The following LGMN variants were observed in gnomAD, a reference collection of about 807,000 sequenced individuals.
The protein encoded by LGMN is asparaginyl endopeptidase.
Under a neutral mutation model 56.8 loss-of-function variants are expected in LGMN, and 36 were observed. That is an observed-to-expected ratio of 0.63 (90% CI 0.49 to 0.84). The LOEUF (loss-of-function observed/expected upper bound fraction) is 0.84. Ranked by LOEUF, LGMN falls within the 40% of genes least tolerant of loss-of-function variation. LGMN has a pLI of 0.00. For missense variants in LGMN, 446 were observed against 556.1 expected, an observed-to-expected ratio of 0.80 and a Z score of 1.99; for synonymous variants, 199 against 210.1, an observed-to-expected ratio of 0.95 and a Z score of 0.46.
chr14:92,729,127 CTTTTT>C (rs55843490), intron 2 of LGMN, among the ~76,000 whole-genome samples: 2 of 110,108 alleles, frequency 1.8e-5, no homozygotes, highest in Non-Finnish European at 3.6e-5. Context: ...CTCAGCTTTT[CTTTTT>C]TTTTTTTTTT....
rs1466874788 is a variant in LGMN, at chr14:92,732,640, T to C, written c.138+9A>G. On this transcript the variant is annotated intron_variant, in intron 2 of 13. Transcript: ENST00000334869. ...TCCTTAACAAAAAAAAGATTAGTCA[T>C]TTTCTTACCTGGTGCCTATAATTAT... is the stretch of plus-strand genomic sequence containing the variant. 6.2e-7 allele frequency: 1 copy of C among 1,613,370 alleles called. No homozygotes were observed.
intron 2 of LGMN, among the ~76,000 whole-genome samples, chr14:92,719,140 GCCACCACCACCGCCACTGCCACCACCA>G (rs1392876404): frequency 8.2e-5 from 11 of 134,474 alleles, no homozygotes; most frequent in South Asian, 7.5e-4. Context: ...CACCGCCACC[GCCACCACCACCGCCACTGCCACCACCA>G]CCACCACCAC....
At chr14:92,709,957 G>T in intron 10 of LGMN, 85 bp from the exon 11 acceptor site, 1 of 1,132,022 alleles carries the variant, frequency 8.8e-7, no homozygotes, top group Non-Finnish European at 1.3e-6. Context: ...AGAGAGAGCT[G>T]GTTTGAGTGG....
At chr14:92,748,125 T>C (rs1468075923) in intron 1 of LGMN, among the ~76,000 whole-genome samples, 2 of 152,072 alleles carry the variant, frequency 1.3e-5, no homozygotes, top group Non-Finnish European at 2.9e-5. Flanking sequence ...TCCTAGGTCG[T>C]AAAGGCTGGA....
At chr14:92,704,988 G>A in intron 12 of LGMN, 1 of 362,824 alleles carries the variant, frequency 2.8e-6, no homozygotes, top group East Asian at 4.6e-5. Flanking sequence ...CGATGGCTCT[G>A]CTCCCCGCCA....
chr14:92,738,775 C>A (rs1329260401), intron 1 of LGMN, among the ~76,000 whole-genome samples: 1 of 151,452 alleles, frequency 6.6e-6, no homozygotes, highest in South Asian at 2.1e-4. Context: ...AATCCCAGCA[C>A]TTTGGGAGGC....
intron 3 of LGMN, among the ~76,000 whole-genome samples, chr14:92,718,016 G>C (rs1446960327): frequency 6.6e-6 from 1 of 152,102 alleles, no homozygotes; most frequent in East Asian, 1.9e-4. Context: ...CAGGCACAAG[G>C]GAACTATTTG....
rs1291731365 is a variant in LGMN, at chr14:92,732,460, T to G, written c.138+189A>C. ...TGTTTTCCAAAATGGCTACACCATC[T>G]TATAATCCTCCTGGCAACATATGAG... On this transcript the variant is annotated intron_variant, in intron 2 of 13. Transcript: ENST00000334869. 3 of 625,346 alleles carry G rather than the reference T, an allele frequency of 4.8e-6. No individual in the cohort carries two copies. The African/African-American group carries it at 5.5e-5, about 12-fold the overall frequency. The allele number at this position is 625,346 out of a possible 1,614,324, so 38.7% of individuals were successfully genotyped here.
intron 2 of LGMN, among the ~76,000 whole-genome samples, chr14:92,726,193 C>T (rs1327879264): frequency 2.0e-5 from 3 of 150,984 alleles, no homozygotes; most frequent in Non-Finnish European, 4.4e-5. Context: ...GCTGAGATCA[C>T]GCCATTGCAC....
At chr14:92,722,850 A>G (rs1890548879) in intron 2 of LGMN, among the ~76,000 whole-genome samples, 1 of 152,210 alleles carries the variant, frequency 6.6e-6, no homozygotes, top group Non-Finnish European at 1.5e-5. Flanking sequence ...GATGTTCAAC[A>G]TCACCCATCA....
intron 2 of LGMN, among the ~76,000 whole-genome samples, chr14:92,719,224 A>G (rs866229929): frequency 8.6e-4 from 63 of 73,038 alleles, no homozygotes; most frequent in South Asian, 3.0e-3. Flanking sequence ...CACCAACACC[A>G]CCACCGCCAC....
Position 92,727,677 on chromosome 14 carries a change from C to T in LGMN, c.138+4972G>A, listed in dbSNP as rs148853328. ...ATCCCGTCATCCTTCAAACCCACGT[C>T]AAGCCTCTCCTCCAAGAAGCTGCAT... On this transcript the variant is annotated intron_variant, in intron 2 of 13. Coordinates refer to ENST00000334869, the MANE Select transcript of LGMN (RefSeq NM_005606.7). Among the ~76,000 whole-genome samples the T allele has an allele frequency of 3.8e-3, 573 of 152,294 alleles. 3 individuals are homozygous for T. The highest frequency in any genetic ancestry group is 0.019 in the South Asian group (90 of 4,826).
At chr14:92,715,978 A>G in intron 5 of LGMN, 158 bp downstream of exon 5, 1 of 489,404 alleles carries the variant, frequency 2.0e-6, no homozygotes, top group Non-Finnish European at 3.7e-6. Context: ...CACTGAAACA[A>G]CAGCCCTAAG....
Position 92,706,555 on chromosome 14 carries a change from G to A in LGMN, c.1119C>T (p.Leu373=). The change falls in exon 12 of 14, where the codon CTC becomes CTT. Residue 373 remains leucine (L), a synonymous_variant. Transcript: ENST00000334869. ...VEQLLSERAP[L]TGHSCYPEAL... ...CCTCTGGGTAGCAGCTGTGCCCCGT[G>A]AGCGGGGCTCTCTCGGACAGGAGCT... 1.2e-6 allele frequency: 2 copies of A among 1,603,064 alleles called. No individual in the cohort carries two copies. The highest frequency in any genetic ancestry group is 1.7e-6 in the Non-Finnish European group (2 of 1,171,178).
At chr14:92,713,784 C>A (rs368474453) in intron 7 of LGMN, 39 bp downstream of exon 7, 5 of 1,459,510 alleles carry the variant, frequency 3.4e-6, no homozygotes, top group East Asian at 2.3e-5. Context: ...TTTCCTCACA[C>A]CCCCCGCCCC....
chr14:92,708,184 G>A (rs1243836112), intron 11 of LGMN, among the ~76,000 whole-genome samples: 1 of 151,212 alleles, frequency 6.6e-6, no homozygotes, highest in Admixed American at 6.6e-5. Flanking sequence ...AAAAACCTCT[G>A]GTTCACTTTC....
chr14:92,727,323 G>C (rs917740615), intron 2 of LGMN, among the ~76,000 whole-genome samples: 1 of 150,918 alleles, frequency 6.6e-6, no homozygotes, highest in Non-Finnish European at 1.5e-5. Flanking sequence ...CCAGCTACTC[G>C]AGAGGCTGAG....
chr14:92,743,957 C>T (rs1241849655), intron 1 of LGMN, among the ~76,000 whole-genome samples: 3 of 151,712 alleles, frequency 2.0e-5, no homozygotes, highest in Admixed American at 6.6e-5. Flanking sequence ...AGATCAATAC[C>T]ATCCTGGCGA....
intron 2 of LGMN, among the ~76,000 whole-genome samples, 154 bp from the exon 3 acceptor site, chr14:92,718,998 AT>A (rs1323086255): frequency 6.6e-6 from 1 of 152,074 alleles, no homozygotes; most frequent in Non-Finnish European, 1.5e-5. Flanking sequence ...ATACATTGAT[AT>A]TTTTTATCTC....
Sources: gnomAD v4.1 joint callset for allele counts (sites outside exome capture counted in the v4.1 genomes callset) on GRCh38, gnomAD v4.1.1 for gene constraint, MANE v1.5 for transcripts, NCBI Gene and HGNC (gene_info 2026-07-23, HGNC 2026-07-21) for gene names.